Variants in UTP11 observed in about 807,000 individuals in gnomAD.
UTP11 encodes the protein probable U3 small nucleolar RNA-associated protein 11.
Under a neutral mutation model 39.0 loss-of-function variants are expected in UTP11, and 29 were observed. The ratio of observed to expected loss-of-function variants is 0.74; its 90% CI spans 0.55 to 1.01. The LOEUF is 1.01. Among genes scored for constraint, UTP11 ranks in the 50% least tolerant of loss-of-function variants. The pLI, the probability that UTP11 is intolerant of heterozygous loss-of-function variation, is 0.00. For missense variants in UTP11, 281 were observed against 306.0 expected (o/e 0.92, Z 0.61); for synonymous variants, 111 against 105.0 (o/e 1.06, Z -0.35).
At chr1:38,023,524 C>G in intron 7 of UTP11, 21 bp from the exon 8 acceptor site, 1 of 1,596,540 alleles carries the variant, frequency 6.3e-7, no homozygotes, top group African/African-American at 1.3e-5. Context: ...CTTTACTGAT[C>G]ACCTTTTTAC....
Position 38,019,111 on chromosome 1 carries a change from A to C in UTP11, c.395A>C (p.Gln132Pro). Residue 132 changes from glutamine to proline, a missense_variant, in exon 5 of 8, where the codon CAA becomes CCA. By Grantham distance (76) the Gln-to-Pro change is moderately conservative. Coordinates refer to ENST00000373014, the MANE Select transcript of UTP11 (RefSeq NM_016037.4). ...CATCTGCTGGATTTCCAGGGGAAGCAACAGAACAAGCATGTGTTCTTTTTT... is the reference window on the plus strand; with the variant it reads ...CATCTGCTGGATTTCCAGGGGAAGCCACAGAACAAGCATGTGTTCTTTTTT... ...ELHLLDFQGK[Q>P]QNKHVFFFDT... The C allele has an allele frequency of 6.2e-7, 1 of 1,614,130 alleles. No homozygotes were observed. The highest frequency in any genetic ancestry group is 8.5e-7 in the Non-Finnish European group (1 of 1,180,034).
intron 2 of UTP11, chr1:38,017,098 T>C (rs1039566342): frequency 6.6e-6 from 1 of 152,502 alleles, no homozygotes; most frequent in African/African-American, 2.4e-5. Flanking sequence ...TTACCGTTTT[T>C]ACACTGATTT....
Position 38,018,565 on chromosome 1 carries a change from T to G in UTP11, c.330T>G (p.Val110=). ...QDVKYIEMKR[V]AEAKKIERLK... The stretch of plus-strand genomic sequence containing the variant: ...TCAAATATATAGAAATGAAGAGGGT[T>G]GCAGAAGCTAAGGTAATTCACTCTT... Residue 110 remains valine, a synonymous_variant, in exon 4 of 8, where the codon GTT becomes GTG. Coordinates refer to ENST00000373014, the MANE Select transcript of UTP11 (RefSeq NM_016037.4). 6.3e-7 allele frequency: 1 copy of G among 1,596,720 alleles called. No homozygotes were observed. Among genetic ancestry groups the G allele is most frequent in the Non-Finnish European group, 8.6e-7 (1 of 1,165,444 alleles).
chr1:38,017,495 TC>T, intron 2 of UTP11, 172 bp from the exon 3 acceptor site: 1 of 488,694 alleles, frequency 2.0e-6, no homozygotes, highest in Non-Finnish European at 3.6e-6. Flanking sequence ...AGACATGAGC[TC>T]AGCTCAGTGA....
chr1:38,019,144 A>G lies in UTP11; in HGVS notation c.428A>G (p.Lys143Arg). 6.2e-7 allele frequency: 1 copy of G among 1,614,028 alleles called. No homozygotes were observed. The highest frequency in any genetic ancestry group is 8.5e-7 in the Non-Finnish European group (1 of 1,179,990). The change falls in exon 5 of 8, where the codon AAA (lysine) becomes AGA (arginine). Residue 143 changes from lysine to arginine, a missense_variant. Physicochemically the swap from Lys to Arg is conservative, Grantham distance 26 (BLOSUM62 2). Coordinates refer to ENST00000373014, the MANE Select transcript of UTP11 (RefSeq NM_016037.4). ...QNKHVFFFDT[K>R]KEVEQFDVAT... ...AAGCATGTGTTCTTTTTTGACACCAAAAAGGAAGGTATGAAATGTTTGAAG... is the reference window on the plus strand; with the variant it reads ...AAGCATGTGTTCTTTTTTGACACCAGAAAGGAAGGTATGAAATGTTTGAAG...
At chr1:38,019,032 A>G (rs769576064) in intron 4 of UTP11, 27 bp from the exon 5 acceptor site, 11 of 1,575,122 alleles carry the variant, frequency 7.0e-6, no homozygotes, top group Non-Finnish European at 9.5e-6. Context: ...AATCTAATAT[A>G]AAGTGAGACC....
intron 1 of UTP11, among the ~76,000 whole-genome samples, chr1:38,013,240 C>T (rs1029242061): frequency 6.6e-6 from 1 of 151,858 alleles, no homozygotes; most frequent in Non-Finnish European, 1.5e-5. Context: ...TGGGCAGCTC[C>T]GCCTGCTGCA....
chr1:38,022,519 CA>C (rs1278430420), intron 6 of UTP11, among the ~76,000 whole-genome samples, 179 bp from the exon 7 acceptor site: 6 of 152,254 alleles, frequency 3.9e-5, no homozygotes, highest in African/African-American at 1.4e-4. Flanking sequence ...GGGTTCCTTT[CA>C]GCTCCAGAAT....
Position 38,012,741 on chromosome 1 carries a change from T to A in UTP11, c.-62T>A, listed in dbSNP as rs1291361531. On this transcript the variant is annotated 5_prime_UTR_variant, in exon 1 of 8. It adds an upstream start codon to the 5' untranslated region. Transcript: ENST00000373014. ...CTATTTCCGGTAGGAATCAGTGGAC[T>A]TGGCGGCAGAGGCAGTGCGGATCCG... 6.2e-7 allele frequency: 1 copy of A among 1,608,922 alleles called. No homozygotes were observed. The highest frequency in any genetic ancestry group is 8.5e-7 in the Non-Finnish European group (1 of 1,175,432).
rs750660486 is a variant in UTP11 at position 38,015,963 on chromosome 1, C to A, written c.64-396C>A. On this transcript the variant is annotated intron_variant, in intron 1 of 7. Coordinates refer to ENST00000373014, the MANE Select transcript of UTP11 (RefSeq NM_016037.4). ...AAGCTTGGATTTGAACCCACATCTCCAGACTCTAAATTTAGCTCCCTTACC... is the reference window on the plus strand; with the variant it reads ...AAGCTTGGATTTGAACCCACATCTCAAGACTCTAAATTTAGCTCCCTTACC... Among the ~76,000 whole-genome samples, 13 of 152,246 alleles carry A rather than the reference C, an allele frequency of 8.5e-5. No homozygotes were observed. The East Asian group carries it at 2.5e-3, about 29-fold the overall frequency.
intron 2 of UTP11, chr1:38,017,462 T>G (rs1646712478): frequency 2.5e-6 from 1 of 397,732 alleles, no homozygotes; most frequent in East Asian, 3.9e-5. Context: ...TAGGAACTGT[T>G]GATTAGACTG....
At chr1:38,019,752 G>A (rs111295940) in intron 6 of UTP11, among the ~76,000 whole-genome samples, 4,433 of 152,196 alleles carry the variant, frequency 0.029, 209 homozygotes, top group African/African-American at 0.1. Context: ...CCAAAGTGTC[G>A]GGATTACAAG....
intron 1 of UTP11, among the ~76,000 whole-genome samples, chr1:38,013,821 T>A (rs1464486984): frequency 2.0e-5 from 3 of 152,172 alleles, no homozygotes; most frequent in African/African-American, 7.2e-5. Flanking sequence ...TTCAAGCGGT[T>A]CTCCTGCCTC....
chr1:38,019,186 A>T (rs760516954), intron 5 of UTP11, 34 bp downstream of exon 5: 1 of 1,613,724 alleles, frequency 6.2e-7, no homozygotes, highest in Admixed American at 1.7e-5. Flanking sequence ...GGGACAGTCT[A>T]CCATGCCAGT....
chr1:38,022,247 G>T (rs1236881214), intron 6 of UTP11, among the ~76,000 whole-genome samples: 1 of 152,188 alleles, frequency 6.6e-6, no homozygotes, highest in African/African-American at 2.4e-5. Flanking sequence ...TTGTGAGAGG[G>T]GGACGGTCCT....
intron 6 of UTP11, among the ~76,000 whole-genome samples, chr1:38,020,084 C>T (rs746535153): frequency 7.2e-5 from 11 of 152,004 alleles, no homozygotes; most frequent in Admixed American, 3.3e-4. Context: ...GCAGTGAATA[C>T]GCACATCAAA....
At chr1:38,019,460 A>G (rs1264558369) in intron 6 of UTP11, 77 bp downstream of exon 6, 6 of 1,090,992 alleles carry the variant, frequency 5.5e-6, no homozygotes, top group African/African-American at 3.7e-5. Context: ...TTTTTTTGCT[A>G]CTGCATTTAA....
chr1:38,018,506 C>G lies in UTP11; in HGVS notation c.271C>G (p.Pro91Ala), dbSNP rs1646718497. The G allele has an allele frequency of 6.2e-7, 1 of 1,613,590 alleles. No individual in the cohort carries two copies. The highest frequency in any genetic ancestry group is 8.5e-7 in the Non-Finnish European group (1 of 1,179,828). Residue 91 changes from proline to alanine, a missense_variant, in exon 4 of 8, where the codon CCA (proline) becomes GCA (alanine). Coordinates refer to ENST00000373014, the MANE Select transcript of UTP11 (RefSeq NM_016037.4). ...IIKETKEEVT[P>A]EQLKLMRTQD... ...TAAGGAGACTAAGGAAGAAGTAACC[C>G]CAGAACAACTAAAGCTGATGAGAAC...
Position 38,018,560 on chromosome 1 carries a change from A to C in UTP11, c.325A>C (p.Arg109=). 1 of 1,610,052 alleles carries C rather than the reference A, an allele frequency of 6.2e-7. No individual in the cohort carries two copies. The highest frequency in any genetic ancestry group is 8.5e-7 in the Non-Finnish European group (1 of 1,176,994). The change falls in exon 4 of 8, where the codon AGG becomes CGG. Residue 109 remains arginine (R), a synonymous_variant. Coordinates refer to ENST00000373014, the MANE Select transcript of UTP11 (RefSeq NM_016037.4). ...GGACGTCAAATATATAGAAATGAAG[A>C]GGGTTGCAGAAGCTAAGGTAATTCA... ...TQDVKYIEMK[R]VAEAKKIERL... is the part of the protein sequence containing the mutation.
Sources: gnomAD v4.1 joint callset for allele counts (sites outside exome capture counted in the v4.1 genomes callset) on GRCh38, gnomAD v4.1.1 for gene constraint, MANE v1.5 for transcripts, NCBI Gene and HGNC (gene_info 2026-07-23, HGNC 2026-07-21) for gene names.